The following NBAS variants were observed in gnomAD, a reference collection of about 807,000 sequenced individuals.
NBAS encodes NBAS subunit of NRZ tethering complex, also known as NAG/BC035112 fusion.
In NBAS, 219 loss-of-function variants were observed where a neutral mutation model predicts 302.5. That is an observed-to-expected ratio of 0.72 (90% CI 0.65 to 0.81). The LOEUF (loss-of-function observed/expected upper bound fraction) is 0.81. Among genes scored for constraint, NBAS ranks in the 30% least tolerant of loss-of-function variants. The pLI is 0.00. For missense variants in NBAS, 2,932 were observed against 2,841.6 expected (o/e 1.03, Z -0.72); for synonymous variants, 1,118 against 1,021.6 (o/e 1.09, Z -1.80).
At chr2:15,044,378 A>C in the NBAS span, among the ~76,000 whole-genome samples, 1 of 152,260 alleles carries the variant, frequency 6.6e-6, no homozygotes, top group African/African-American at 2.4e-5. Flanking sequence ...CAATTATTTC[A>C]GCTATACTCA....
the NBAS span, among the ~76,000 whole-genome samples, chr2:15,139,502 G>A: frequency 7.4e-6 from 1 of 135,376 alleles, no homozygotes. Context: ...TTAGTGTATG[G>A]TGTGTGTGTG....
chr2:15,090,043 C>A, the NBAS span, among the ~76,000 whole-genome samples: 1 of 152,122 alleles, frequency 6.6e-6, no homozygotes, highest in African/African-American at 2.4e-5. Context: ...CCACCGTGCC[C>A]GGCCTGGTCA....
the NBAS span, among the ~76,000 whole-genome samples, chr2:14,929,415 G>T: frequency 6.6e-6 from 1 of 152,192 alleles, no homozygotes; most frequent in Non-Finnish European, 1.5e-5. Context: ...GTCTCACTCT[G>T]TCGCCAGGCT....
chr2:15,225,851 TA>T (rs1553346503), intron 47 of NBAS, among the ~76,000 whole-genome samples: 1 of 152,168 alleles, frequency 6.6e-6, no homozygotes, highest in Non-Finnish European at 1.5e-5. Context: ...GGAAGTTTTT[TA>T]AAGCTAGATG....
At chr2:15,462,698 C>A (rs1178383020) in intron 19 of NBAS, among the ~76,000 whole-genome samples, 1 of 152,002 alleles carries the variant, frequency 6.6e-6, no homozygotes, top group Non-Finnish European at 1.5e-5. Context: ...TATGGCATGT[C>A]TAAAAGGAGC....
chr2:15,367,131 T>C (rs567360462), intron 31 of NBAS, among the ~76,000 whole-genome samples: 2 of 152,234 alleles, frequency 1.3e-5, no homozygotes, highest in South Asian at 4.1e-4. Context: ...TTACCCCAGT[T>C]TGGAAGGCAG....
chr2:15,455,410 G>C (rs1679205102), intron 21 of NBAS, among the ~76,000 whole-genome samples: 1 of 151,766 alleles, frequency 6.6e-6, no homozygotes, highest in Admixed American at 6.6e-5. Flanking sequence ...ATATGCTATG[G>C]TTATATAAGA....
chr2:14,782,049 A>C, the NBAS span, among the ~76,000 whole-genome samples: 2 of 152,106 alleles, frequency 1.3e-5, no homozygotes, highest in Non-Finnish European at 2.9e-5. Flanking sequence ...CCTGCCTTCC[A>C]CTAATAAAAC....
chr2:15,280,769 T>A (rs1669789462), intron 42 of NBAS, among the ~76,000 whole-genome samples: 1 of 152,192 alleles, frequency 6.6e-6, no homozygotes, highest in South Asian at 2.1e-4. Flanking sequence ...TGAATGATCA[T>A]CACTGCTGGT....
chr2:14,841,943 C>A, the NBAS span, among the ~76,000 whole-genome samples: 1 of 151,818 alleles, frequency 6.6e-6, no homozygotes, highest in African/African-American at 2.4e-5. Flanking sequence ...TCTTAGGATG[C>A]AAAACAAGTC....
the NBAS span, among the ~76,000 whole-genome samples, chr2:14,988,012 T>C: frequency 6.6e-6 from 1 of 152,120 alleles, no homozygotes; most frequent in East Asian, 1.9e-4. Flanking sequence ...GACAGCTCAA[T>C]CCATATGATA....
At chr2:15,465,064 T>G (rs1256273356) in intron 19 of NBAS, among the ~76,000 whole-genome samples, 2 of 152,252 alleles carry the variant, frequency 1.3e-5, no homozygotes, top group Admixed American at 6.5e-5. Flanking sequence ...AGTACCCATC[T>G]CATAAGACAA....
chr2:15,079,675 C>G, the NBAS span, among the ~76,000 whole-genome samples: 1 of 152,156 alleles, frequency 6.6e-6, no homozygotes, highest in Non-Finnish European at 1.5e-5. Flanking sequence ...TCTGTCCAAC[C>G]CATTCCCACG....
the NBAS span, among the ~76,000 whole-genome samples, chr2:15,071,363 C>A: frequency 2.0e-5 from 3 of 152,150 alleles, no homozygotes; most frequent in East Asian, 1.9e-4. Flanking sequence ...CGGTGGCTCG[C>A]GCCTGTAATC....
chr2:15,162,968 T>A (rs577293442), downstream of NBAS, among the ~76,000 whole-genome samples: 3 of 152,294 alleles, frequency 2.0e-5, no homozygotes, highest in African/African-American at 7.2e-5. Context: ...TTTATCATAA[T>A]GAGTTTTCTT....
intron 45 of NBAS, among the ~76,000 whole-genome samples, chr2:15,237,359 T>C (rs184138076): frequency 1.0e-3 from 159 of 152,164 alleles, no homozygotes; most frequent in African/African-American, 3.6e-3. Flanking sequence ...ATGTTGTTTT[T>C]GAGACACCAA....
At chr2:14,834,016 A>C in the NBAS span, among the ~76,000 whole-genome samples, 3 of 152,182 alleles carry the variant, frequency 2.0e-5, no homozygotes, top group African/African-American at 7.2e-5. Context: ...AGCTGTAAAA[A>C]TCAATAATCA....
At chr2:15,143,231 T>C in the NBAS span, among the ~76,000 whole-genome samples, 1 of 152,140 alleles carries the variant, frequency 6.6e-6, no homozygotes, top group African/African-American at 2.4e-5. Context: ...CCCTGTGAAA[T>C]CGATTACGAT....
intron 19 of NBAS, among the ~76,000 whole-genome samples, chr2:15,464,911 C>A (rs576317700): frequency 6.6e-6 from 1 of 152,184 alleles, no homozygotes; most frequent in Non-Finnish European, 1.5e-5. Flanking sequence ...TGCCACTGGG[C>A]CTTTACATGG....
Sources: allele counts gnomAD v4.1 joint callset (sites outside exome capture counted in the v4.1 genomes callset), GRCh38; gene constraint gnomAD v4.1.1; transcripts MANE v1.5; gene names NCBI Gene and HGNC (gene_info 2026-07-23, HGNC 2026-07-21).